Variants in FRMD4A observed in about 807,000 individuals in gnomAD.
FRMD4A encodes the protein FERM domain-containing protein 4A.
In FRMD4A, 29 loss-of-function variants were observed where a neutral mutation model predicts 129.1. That is an observed-to-expected ratio of 0.22 (90% CI 0.17 to 0.31). FRMD4A has a LOEUF of 0.31. FRMD4A is among the 10% of genes least tolerant of loss of function. The probability of loss-of-function intolerance (pLI) is 1.00; values close to 1 mark genes in which losing one functional copy is unlikely to be tolerated. For synonymous variants in FRMD4A, 634 were observed against 571.6 expected, an observed-to-expected ratio of 1.11 and a Z score of -1.56; for missense variants, 1,272 against 1,375.8, an observed-to-expected ratio of 0.92 and a Z score of 1.19.
chr10:13,979,309 T>G (rs1048661735), intron 2 of FRMD4A, among the ~76,000 whole-genome samples: 2 of 152,088 alleles, frequency 1.3e-5, no homozygotes, highest in Non-Finnish European at 2.9e-5. Flanking sequence ...GTCTGCTTGC[T>G]TGAGAAAGGG....
At chr10:13,885,129 A>G (rs945147328) in intron 2 of FRMD4A, among the ~76,000 whole-genome samples, 1 of 152,212 alleles carries the variant, frequency 6.6e-6, no homozygotes, top group Non-Finnish European at 1.5e-5. Context: ...TCATGCCTGT[A>G]ATCCCAGGGC....
At chr10:14,243,248 G>A (rs1003057166) in intron 2 of FRMD4A, among the ~76,000 whole-genome samples, 2 of 152,270 alleles carry the variant, frequency 1.3e-5, no homozygotes, top group African/African-American at 2.4e-5. Context: ...CTCACGTGTC[G>A]AGGGAGAGAC....
chr10:14,005,154 C>A (rs2095657553), intron 2 of FRMD4A, among the ~76,000 whole-genome samples: 2 of 152,088 alleles, frequency 1.3e-5, no homozygotes, highest in African/African-American at 4.8e-5. Context: ...TCCTGAGTAG[C>A]TGGGATTATA....
Position 14,114,492 on chromosome 10 carries a change from C to G in FRMD4A, c.45+215566G>C, listed in dbSNP as rs144442225. The stretch of plus-strand genomic sequence containing the variant: ...ATTTTTAGCCATAATTCTAATAAGC[C>G]CATTTTTCCGTTTCCTCAATTCTCA... On this transcript the variant is annotated intron_variant, in intron 2 of 24. Transcript: ENST00000357447. Among the ~76,000 whole-genome samples, 27 of 152,284 alleles carry G rather than the reference C, an allele frequency of 1.8e-4. No individual in the cohort carries two copies. The East Asian group carries it at 5.2e-3, about 29-fold the overall frequency.
intron 17 of FRMD4A, among the ~76,000 whole-genome samples, chr10:13,669,878 A>G (rs1003136408): frequency 1.3e-5 from 2 of 152,312 alleles, no homozygotes; most frequent in African/African-American, 4.8e-5. Context: ...AACACAGACA[A>G]ACAAGGCCAG....
intron 2 of FRMD4A, among the ~76,000 whole-genome samples, chr10:13,927,518 G>T (rs932157251): frequency 2.6e-5 from 4 of 152,114 alleles, no homozygotes; most frequent in Non-Finnish European, 5.9e-5. Context: ...GGATTCAAGT[G>T]GTTTCTGCCT....
intron 12 of FRMD4A, among the ~76,000 whole-genome samples, chr10:13,727,198 G>A (rs1370772777): frequency 6.6e-6 from 1 of 152,160 alleles, no homozygotes; most frequent in Admixed American, 6.5e-5. Context: ...CACCACACCT[G>A]GCCAGAGTTT....
chr10:13,700,621 G>A (rs1217801227), intron 14 of FRMD4A, among the ~76,000 whole-genome samples: 2 of 152,260 alleles, frequency 1.3e-5, no homozygotes, highest in South Asian at 2.1e-4. Flanking sequence ...GCTGACAGGG[G>A]AGTCTGGGGA....
At chr10:14,240,913 CAAA>C (rs59389000) in intron 2 of FRMD4A, among the ~76,000 whole-genome samples, 69,685 of 148,802 alleles carry the variant, frequency 0.47, 16,723 homozygotes, top group South Asian at 0.54. Flanking sequence ...TAATGCACTT[CAAA>C]AAAAAAAAAA....
At chr10:13,783,197 CT>C (rs1313415662) in intron 5 of FRMD4A, among the ~76,000 whole-genome samples, 191 bp from the exon 6 acceptor site, 2 of 152,340 alleles carry the variant, frequency 1.3e-5, no homozygotes, top group Non-Finnish European at 2.9e-5. Context: ...TTGATAGTGG[CT>C]TAGGGTCACG....
At chr10:14,081,626 T>A (rs902166280) in intron 2 of FRMD4A, among the ~76,000 whole-genome samples, 1 of 152,210 alleles carries the variant, frequency 6.6e-6, no homozygotes, top group East Asian at 1.9e-4. Context: ...CATCATCCAA[T>A]AATCATAATA....
Position 13,657,337 on chromosome 10 carries a change from G to T in FRMD4A, c.2252C>A (p.Thr751Asn). 1 of 1,610,688 alleles carries T rather than the reference G, an allele frequency of 6.2e-7. No homozygotes were observed. ...GTAGTGCTCCGAGCTCGAGTGGCTG[G>T]TGCACGACGAGCAGTCGTCCATGGG... ...SDPMDDCSSC[T>N]SHSSSEHYYP... Residue 751 changes from threonine (T) to asparagine (N), a missense_variant, in exon 22 of 25, where the codon ACC becomes AAC. By Grantham distance (65) the Thr-to-Asn change is moderately conservative (BLOSUM62 0). Around this residue, in one of 2 missense-constraint regions of FRMD4A, gnomAD observed 972 missense variants for 892.3 expected, o/e 1.09. Transcript: ENST00000357447.
chr10:14,016,103 G>A (rs966676661), intron 2 of FRMD4A, among the ~76,000 whole-genome samples: 2 of 152,224 alleles, frequency 1.3e-5, no homozygotes, highest in African/African-American at 2.4e-5. Context: ...TGAAGTGAAA[G>A]ACTGCTGGCC....
At chr10:14,121,565 T>A (rs1034753668) in intron 2 of FRMD4A, among the ~76,000 whole-genome samples, 1 of 151,908 alleles carries the variant, frequency 6.6e-6, no homozygotes, top group Non-Finnish European at 1.5e-5. Flanking sequence ...TTACCTGGAG[T>A]GAATGCCACT....
intron 2 of FRMD4A, among the ~76,000 whole-genome samples, chr10:13,933,492 G>A (rs991521772): frequency 2.6e-5 from 4 of 152,032 alleles, no homozygotes; most frequent in Admixed American, 6.6e-5. Context: ...CCCATTGTTT[G>A]TTCAAGATGC....
chr10:13,694,015 G>T lies in FRMD4A; in HGVS notation c.1000C>A (p.Leu334Met), dbSNP rs141316396. 72 of 1,522,966 alleles carry T rather than the reference G, an allele frequency of 4.7e-5. No individual in the cohort carries two copies. In the African/African-American group the frequency reaches 8.9e-4, roughly 19 times the overall value. The allele number at this position is 1,522,966 out of a possible 1,614,324, so 94.3% of individuals were successfully genotyped here. A position where few individuals can be genotyped will look rare whatever the true frequency, so the allele number is the denominator to read the frequency against. The change falls in exon 15 of 25, where the codon CTG (leucine) becomes ATG (methionine). Residue 334 changes from leucine (L) to methionine (M), a missense_variant. Around this residue, in one of 2 missense-constraint regions of FRMD4A, gnomAD observed 300 missense variants for 483.6 expected, o/e 0.62. Coordinates refer to ENST00000357447, the MANE Select transcript of FRMD4A (RefSeq NM_018027.5). ...SKSKIHAARS[L>M]SEIAIDLTET... ...GTCAGGTCGATGGCGATCTCACTCA[G>T]GCTGCGTGCTGCATGGATTTTGGAC...
At chr10:14,297,945 G>A (rs1589279463) in intron 2 of FRMD4A, among the ~76,000 whole-genome samples, 1 of 152,262 alleles carries the variant, frequency 6.6e-6, no homozygotes, top group Middle Eastern at 3.4e-3. Flanking sequence ...AGCAATTAAT[G>A]TTATCTCTCT....
intron 2 of FRMD4A, among the ~76,000 whole-genome samples, chr10:14,182,721 G>A (rs572994714): frequency 1.2e-4 from 18 of 152,272 alleles, no homozygotes; most frequent in Admixed American, 1.0e-3. Context: ...AGGTTCGACC[G>A]GGGGCTCTGC....
At chr10:13,758,383 T>C (rs1475325081) in intron 8 of FRMD4A, among the ~76,000 whole-genome samples, 1 of 152,236 alleles carries the variant, frequency 6.6e-6, no homozygotes, top group African/African-American at 2.4e-5. Flanking sequence ...TGTTCTAAGC[T>C]GGTATTTTAT....
Sources: gnomAD v4.1 joint callset for allele counts (sites outside exome capture counted in the v4.1 genomes callset) on GRCh38, gnomAD v4.1.1 for gene constraint, gnomAD v4.1.1 regional missense constraint, MANE v1.5 for transcripts, NCBI Gene and HGNC (gene_info 2026-07-23, HGNC 2026-07-21) for gene names.